COL16A1: variants seen among roughly 807,000 people sequenced by gnomAD.
COL16A1 encodes collagen alpha-1(XVI) chain.
COL16A1 carries 189 observed loss-of-function variants against 266.3 expected under a neutral mutation model. The ratio of observed to expected loss-of-function variants is 0.71; its 90% CI spans 0.63 to 0.80. The LOEUF is 0.80. COL16A1 is among the 30% of genes least tolerant of loss of function. The pLI is 0.00. For missense variants in COL16A1, 1,928 were observed against 2,122.4 expected (o/e 0.91, Z 1.80); for synonymous variants, 740 against 782.3 (o/e 0.95, Z 0.90).
At chr1:31,673,161 C>T (rs1210798937) in intron 44 of COL16A1, 6 of 409,054 alleles carry the variant, frequency 1.5e-5, no homozygotes, top group South Asian at 1.3e-4. Context: ...CTGCAACCTG[C>T]ACCCACTGCG....
Position 31,660,614 on chromosome 1 carries a change from G to A in COL16A1, c.3850C>T (p.Gln1284Ter). 6.2e-7 allele frequency: 1 copy of A among 1,614,156 alleles called. No homozygotes were observed. Among genetic ancestry groups the A allele is most frequent in the East Asian group, 2.2e-5 (1 of 44,882 alleles). Residue 1284 changes from glutamine to a stop codon, truncating the protein, a stop_gained, in exon 62 of 71, where the codon CAG becomes TAG. Transcript: ENST00000373672. LOFTEE classifies it high-confidence loss of function. ...TGTCCCGGGGGACCGGGTCTTCCCT[G>A]GGGTCCCATGGCACCAGGTTCACCC... ...AEGEPGAMGP[Q>*]GRPGPPGHVG...
chr1:31,698,443 C>T lies in COL16A1; in HGVS notation c.390+40G>A, dbSNP rs772961162. ...AAAGGTGGGCTGGACTGGTGCTACC[C>T]AATGCCCTAAGAGGCAATCAGGGCA... On this transcript the variant is annotated intron_variant, in intron 5 of 70. Coordinates refer to ENST00000373672, the MANE Select transcript of COL16A1 (RefSeq NM_001856.4). The surrounding 1 kb of genome is among the most constrained non-coding windows in gnomAD (Gnocchi z 4.1). 77 of 1,612,228 alleles carry T rather than the reference C, an allele frequency of 4.8e-5. No individual in the cohort carries two copies. The highest frequency in any genetic ancestry group is 6.2e-5 in the Non-Finnish European group (73 of 1,179,028).
At position 31,679,946 on chromosome 1, in the gene COL16A1, G is replaced by A; in HGVS notation, c.2671-95C>T. The A allele has an allele frequency of 1.9e-6, 3 of 1,566,286 alleles. No individual in the cohort carries two copies. The South Asian group carries it at 3.5e-5, about 18-fold the overall frequency. ...GCGTGGGGAGGCGGCTGGCTGGGGT[G>A]CGTGGCCCTGCGGGGCCTTTGCACA... On this transcript the variant is annotated intron_variant, in intron 40 of 70. Coordinates refer to ENST00000373672, the MANE Select transcript of COL16A1 (RefSeq NM_001856.4).
chr1:31,666,557 C>G (rs999761091), intron 52 of COL16A1, among the ~76,000 whole-genome samples: 1 of 152,120 alleles, frequency 6.6e-6, no homozygotes, highest in Non-Finnish European at 1.5e-5. Flanking sequence ...ACCCCCAGGC[C>G]TTTGCACCCT....
chr1:31,697,755 G>C lies in COL16A1; in HGVS notation c.657+151C>G. On this transcript the variant is annotated intron_variant, in intron 6 of 70. Transcript: ENST00000373672. This position sits in a 1 kb window ranked among gnomAD's most constrained non-coding sequence, Gnocchi z 4.2. ...AGATCATGAAGGGCCTTGAATGCCA[G>C]GTGAATATGTTTAGGCTGCATTTGG... 1.1e-6 allele frequency: 1 copy of C among 924,964 alleles called. No individual in the cohort carries two copies. The highest frequency in any genetic ancestry group is 2.4e-5 in the East Asian group (1 of 41,336). The allele number at this position is 924,964 out of a possible 1,614,324, so 57.3% of individuals were successfully genotyped here. A position where few individuals can be genotyped will look rare whatever the true frequency, so the allele number is the denominator to read the frequency against.
rs1286924591 is a variant in COL16A1 at position 31,697,166 on chromosome 1, C to A, written c.738+54G>T. On this transcript the variant is annotated intron_variant, in intron 7 of 70. Transcript: ENST00000373672. This position sits in a 1 kb window ranked among gnomAD's most constrained non-coding sequence, Gnocchi z 4.2. ...AGACCTCCAGGCATCACCTTCCAGACCCTCATCTCCAGCACAGTGTGTCCC... is the reference window on the plus strand; with the variant it reads ...AGACCTCCAGGCATCACCTTCCAGAACCTCATCTCCAGCACAGTGTGTCCC... The A allele has an allele frequency of 1.9e-6, 3 of 1,612,446 alleles. No homozygotes were observed. Among genetic ancestry groups the A allele is most frequent in the Non-Finnish European group, 2.5e-6 (3 of 1,178,970 alleles).
intron 53 of COL16A1, 51 bp from the exon 54 acceptor site, chr1:31,665,986 G>C (rs750052106): frequency 6.2e-7 from 1 of 1,613,546 alleles, no homozygotes; most frequent in Middle Eastern, 1.7e-4. Context: ...CCTGCCCTCA[G>C]ACCCCAGGAC....
chr1:31,683,371 T>A lies in COL16A1; in HGVS notation c.2380-2A>T. ...CAAACCCGGGGCTCCAGGCTCCCCC[T>A]GCAAGTCAGAAAGGGCAGACTAGGG... On this transcript the variant is annotated splice_acceptor_variant, in intron 34 of 70. Transcript: ENST00000373672. LOFTEE classifies it high-confidence loss of function. 4 of 1,613,950 alleles carry A rather than the reference T, an allele frequency of 2.5e-6. No homozygotes were observed. Among genetic ancestry groups the A allele is most frequent in the Non-Finnish European group, 3.4e-6 (4 of 1,180,016 alleles).
intron 49 of COL16A1, among the ~76,000 whole-genome samples, chr1:31,669,340 C>T (rs1490529401): frequency 6.6e-6 from 1 of 152,026 alleles, no homozygotes; most frequent in African/African-American, 2.4e-5. Context: ...GCAAAAATCA[C>T]TTTCTTGGAG....
chr1:31,672,530 G>A (rs1363012755), intron 46 of COL16A1, 28 bp from the exon 47 acceptor site: 2 of 1,613,980 alleles, frequency 1.2e-6, no homozygotes, highest in Non-Finnish European at 8.5e-7. Flanking sequence ...CGGTGATAGT[G>A]AGCAGTCAGG....
rs781226916 is a variant in COL16A1, at chr1:31,667,601, C to T, written c.3331G>A (p.Gly1111Arg). The T allele has an allele frequency of 1.9e-5, 31 of 1,604,076 alleles. No individual in the cohort carries two copies. Among genetic ancestry groups the T allele is most frequent in the South Asian group, 4.5e-5 (4 of 89,050 alleles). ...PGIKGERGYT[G>R]SAGEKGEPGP... ...GGCTCTCCTTTCTCTCCCGCTGACCCGGTGTAGCCACGCTCCCCCTTGATG... is the reference window on the plus strand; with the variant it reads ...GGCTCTCCTTTCTCTCCCGCTGACCTGGTGTAGCCACGCTCCCCCTTGATG... Residue 1111 changes from glycine (G) to arginine (R), a missense_variant, in exon 52 of 71, where the codon GGG (glycine) becomes AGG (arginine). This residue lies in a region of COL16A1 where 1,552 missense variants were observed against 1,637.2 expected (regional missense o/e 0.95). Transcript: ENST00000373672.
intron 62 of COL16A1, chr1:31,659,546 T>A (rs76340070): frequency 0.019 from 2,946 of 157,308 alleles, 37 homozygotes; most frequent in Non-Finnish European, 0.031. Context: ...GATGCCTACA[T>A]CCATGCCTCT....
intron 66 of COL16A1, chr1:31,655,845 T>C: frequency 3.0e-6 from 1 of 334,540 alleles, no homozygotes. Context: ...TCACTGGTGA[T>C]GATTCTCTGA....
chr1:31,679,520 A>G, intron 42 of COL16A1, 112 bp downstream of exon 42: 1 of 1,613,884 alleles, frequency 6.2e-7, no homozygotes, highest in Non-Finnish European at 8.5e-7. Context: ...GAGAAATGGC[A>G]TGTCTGTGTT....
At chr1:31,654,967 G>GATT in intron 67 of COL16A1, 109 bp from the exon 68 acceptor site, 5 of 384,174 alleles carry the variant, frequency 1.3e-5, no homozygotes, top group Non-Finnish European at 1.7e-5. Context: ...GCCTCCCACA[G>GATT]ATTCTTTTTT....
At position 31,661,515 on chromosome 1, in the gene COL16A1, C is replaced by T; in HGVS notation, c.3727-57G>A. The stretch of plus-strand genomic sequence containing the variant: ...CTCATGTCAGCTGGGGGCCTCTTCC[C>T]ACTCCTCCTTCCTCAGTTCAAACAA... On this transcript the variant is annotated intron_variant, in intron 59 of 70. Coordinates refer to ENST00000373672, the MANE Select transcript of COL16A1 (RefSeq NM_001856.4). 2.5e-6 allele frequency: 4 copies of T among 1,613,728 alleles called. No individual in the cohort carries two copies. The South Asian group carries it at 3.3e-5, about 13-fold the overall frequency.
Position 31,685,701 on chromosome 1 carries a change from G to C in COL16A1, c.1954C>G (p.Pro652Ala). The change falls in exon 29 of 71, where the codon CCT (proline) becomes GCT (alanine). Residue 652 changes from proline to alanine, a missense_variant. Physicochemically the swap from Pro to Ala is conservative, Grantham distance 27 (BLOSUM62 -1). This residue lies in a region of COL16A1 where 1,552 missense variants were observed against 1,637.2 expected (regional missense o/e 0.95). Coordinates refer to ENST00000373672, the MANE Select transcript of COL16A1 (RefSeq NM_001856.4). This position sits in a 1 kb window ranked among gnomAD's most constrained non-coding sequence, Gnocchi z 4.0. ...QDGDVRVVALPGPSGEKGEPG... is the reference protein window; with the variant it reads ...QDGDVRVVALAGPSGEKGEPG... ...TCCCCCTTCTCTCCGGATGGGCCAG[G>C]CAAGGCCACCACACGGACATCCCCA... The C allele has an allele frequency of 6.2e-7, 1 of 1,614,038 alleles. No homozygotes were observed. Among genetic ancestry groups the C allele is most frequent in the Non-Finnish European group, 8.5e-7 (1 of 1,180,030 alleles).
chr1:31,652,476 A>G lies in COL16A1; in HGVS notation c.*175T>C, dbSNP rs1055761334. The G allele has an allele frequency of 5.7e-6, 4 of 704,728 alleles. No homozygotes were observed. Among genetic ancestry groups the G allele is most frequent in the Non-Finnish European group, 6.2e-6 (3 of 487,690 alleles). The allele number at this position is 704,728 out of a possible 1,614,324, so 43.7% of individuals were successfully genotyped here. ...GAGCTCTGGCTGCAGCACCAGAGGA[A>G]CCCACTGGAAGGGAAAGGGCAGATA... On this transcript the variant is annotated 3_prime_UTR_variant, in exon 71 of 71. Coordinates refer to ENST00000373672, the MANE Select transcript of COL16A1 (RefSeq NM_001856.4). The surrounding 1 kb of genome is among the most constrained non-coding windows in gnomAD (Gnocchi z 4.8).
chr1:31,698,226 C>A lies in COL16A1; in HGVS notation c.391-54G>T. ...AGAGATTCAGAGCTCCAGAGTCACA[C>A]CATGGGCACGTTCAGGGACCTTGAA... On this transcript the variant is annotated intron_variant, in intron 5 of 70. Transcript: ENST00000373672. The surrounding 1 kb of genome is among the most constrained non-coding windows in gnomAD (Gnocchi z 4.1). 6.2e-7 allele frequency: 1 copy of A among 1,601,530 alleles called. No homozygotes were observed. Among genetic ancestry groups the A allele is most frequent in the Non-Finnish European group, 8.5e-7 (1 of 1,173,340 alleles).
Sources: allele counts gnomAD v4.1 joint callset (sites outside exome capture counted in the v4.1 genomes callset), GRCh38; gene constraint gnomAD v4.1.1; regional missense constraint gnomAD v4.1.1; non-coding constraint Gnocchi (gnomAD v3.1); transcripts MANE v1.5; gene names NCBI Gene and HGNC (gene_info 2026-07-23, HGNC 2026-07-21).